Variants in REC114 observed in about 807,000 individuals in gnomAD.
The protein encoded by REC114 is REC114 meiotic recombination protein, also known as meiotic recombination protein REC114.
REC114 carries 27 observed loss-of-function variants against 31.3 expected under a neutral mutation model. That is an observed-to-expected ratio of 0.86 (90% CI 0.64 to 1.19). The LOEUF (loss-of-function observed/expected upper bound fraction) is 1.19. Among genes scored for constraint, REC114 ranks in the 50% most tolerant of loss-of-function variants. The pLI is 0.00. For missense variants in REC114, 344 were observed against 326.9 expected (o/e 1.05, Z -0.40); for synonymous variants, 134 against 127.7 (o/e 1.05, Z -0.33).
intron 1 of REC114, among the ~76,000 whole-genome samples, chr15:73,446,824 G>A (rs531562802): frequency 4.3e-4 from 65 of 152,222 alleles, no homozygotes; most frequent in Non-Finnish European, 6.9e-4. Context: ...TAAATCCAGT[G>A]GGAAGCCACC....
At chr15:73,449,735 G>A (rs1469905162) in intron 1 of REC114, among the ~76,000 whole-genome samples, 1 of 152,122 alleles carries the variant, frequency 6.6e-6, no homozygotes, top group African/African-American at 2.4e-5. Context: ...AAAATGTTAA[G>A]GGCAGCCAGA....
intron 1 of REC114, among the ~76,000 whole-genome samples, chr15:73,460,254 G>GT (rs892436836): frequency 5.9e-5 from 9 of 152,072 alleles, no homozygotes; most frequent in Non-Finnish European, 1.2e-4. Flanking sequence ...AATAACTGAA[G>GT]TTTTTTTCAG....
chr15:73,447,286 G>A (rs1010779875), intron 1 of REC114, among the ~76,000 whole-genome samples: 3 of 152,218 alleles, frequency 2.0e-5, no homozygotes, highest in African/African-American at 7.2e-5. Context: ...GGCTAGAGAT[G>A]TAAAGGTGTG....
intron 2 of REC114, among the ~76,000 whole-genome samples, chr15:73,482,874 ATATGGTAATTC>A (rs1161244737): frequency 6.6e-6 from 1 of 151,806 alleles, no homozygotes; most frequent in East Asian, 1.9e-4. Flanking sequence ...TTGCTGGATT[ATATGGTAATTC>A]TATTTTTGAT....
chr15:73,456,219 G>A (rs560901504), intron 1 of REC114, among the ~76,000 whole-genome samples: 3 of 152,166 alleles, frequency 2.0e-5, no homozygotes, highest in South Asian at 4.2e-4. Flanking sequence ...CTACTAATAA[G>A]TAGACTAATT....
chr15:73,519,414 A>C (rs1893905029), intron 2 of REC114, among the ~76,000 whole-genome samples: 2 of 152,192 alleles, frequency 1.3e-5, no homozygotes, highest in Admixed American at 6.5e-5. Context: ...TGTGAGCAAT[A>C]AATTTCCACT....
intron 5 of REC114, among the ~76,000 whole-genome samples, chr15:73,558,116 G>A (rs1016684582): frequency 1.3e-5 from 2 of 152,160 alleles, no homozygotes; most frequent in Admixed American, 6.5e-5. Flanking sequence ...GAGGCAGGAG[G>A]ATCATTTAAG....
intron 2 of REC114, among the ~76,000 whole-genome samples, chr15:73,540,075 G>T (rs1448273520): frequency 6.6e-6 from 1 of 152,094 alleles, no homozygotes; most frequent in Non-Finnish European, 1.5e-5. Context: ...CTTATGAAGA[G>T]AATTCTTACT....
chr15:73,486,297 C>T (rs1432587881), intron 2 of REC114, among the ~76,000 whole-genome samples: 1 of 152,096 alleles, frequency 6.6e-6, no homozygotes, highest in African/African-American at 2.4e-5. Flanking sequence ...AGGGTTTCAC[C>T]ATGTTGGTCA....
At chr15:73,517,985 GT>G (rs1567884981) in intron 2 of REC114, among the ~76,000 whole-genome samples, 1 of 152,188 alleles carries the variant, frequency 6.6e-6, no homozygotes, top group African/African-American at 2.4e-5. Context: ...CAAGACAAAT[GT>G]TTCACAAAGG....
intron 2 of REC114, among the ~76,000 whole-genome samples, chr15:73,532,708 A>G (rs1160298202): frequency 3.3e-5 from 5 of 152,162 alleles, no homozygotes. Flanking sequence ...ACTCCTCGAG[A>G]AGAGCAACTC....
intron 2 of REC114, among the ~76,000 whole-genome samples, chr15:73,482,245 G>A (rs958292340): frequency 6.6e-6 from 1 of 152,214 alleles, no homozygotes; most frequent in Non-Finnish European, 1.5e-5. Flanking sequence ...TGTTGAAGGT[G>A]GGGCCTGTAG....
chr15:73,510,304 C>G (rs1238792917), intron 2 of REC114, among the ~76,000 whole-genome samples: 1 of 152,182 alleles, frequency 6.6e-6, no homozygotes, highest in East Asian at 1.9e-4. Flanking sequence ...TATCCTGAGA[C>G]TTTGCTGAAG....
At chr15:73,499,000 AT>A (rs560339712) in intron 2 of REC114, among the ~76,000 whole-genome samples, 470 of 152,142 alleles carry the variant, frequency 3.1e-3, no homozygotes, top group Non-Finnish European at 5.9e-3. Context: ...CTGGAATTTC[AT>A]TTTTTGTTGT....
At chr15:73,511,186 C>G (rs1380312105) in intron 2 of REC114, among the ~76,000 whole-genome samples, 1 of 152,012 alleles carries the variant, frequency 6.6e-6, no homozygotes, top group African/African-American at 2.4e-5. Context: ...GTGTATGTGT[C>G]GAGGAATTTA....
chr15:73,543,542 T>G (rs1894268303), intron 3 of REC114, among the ~76,000 whole-genome samples: 1 of 152,158 alleles, frequency 6.6e-6, no homozygotes, highest in Non-Finnish European at 1.5e-5. Flanking sequence ...TTGGTCAGGC[T>G]GGTCTCAAAC....
At chr15:73,494,491 CAAA>C (rs769659178) in intron 2 of REC114, among the ~76,000 whole-genome samples, 8 of 84,186 alleles carry the variant, frequency 9.5e-5, no homozygotes, top group Admixed American at 2.8e-4. Context: ...GACCCTGTCT[CAAA>C]AAAAAAAAAA....
intron 4 of REC114, among the ~76,000 whole-genome samples, chr15:73,552,867 G>A (rs958636632): frequency 3.3e-5 from 5 of 152,142 alleles, no homozygotes; most frequent in African/African-American, 4.8e-5. Flanking sequence ...AGGCTGAAGT[G>A]TGCAATGGCA....
intron 3 of REC114, among the ~76,000 whole-genome samples, chr15:73,542,345 A>AAAAAAAAAAG (rs1894251328): frequency 2.4e-4 from 2 of 8,200 alleles, no homozygotes; most frequent in Admixed American, 1.3e-3. Flanking sequence ...AAAAAAAAAG[A>AAAAAAAAAAG]AAAAAAAAAA....
Sources: gnomAD v4.1 joint callset for allele counts (sites outside exome capture counted in the v4.1 genomes callset) on GRCh38, gnomAD v4.1.1 for gene constraint, MANE v1.5 for transcripts, NCBI Gene and HGNC (gene_info 2026-07-23, HGNC 2026-07-21) for gene names.